ASCC3: variants seen among roughly 807,000 people sequenced by gnomAD.
The protein encoded by ASCC3 is activating signal cointegrator 1 complex subunit 3.
ASCC3 carries 158 observed loss-of-function variants against 256.3 expected under a neutral mutation model. The observed-to-expected ratio is 0.62, with a 90% CI of 0.54 to 0.70. ASCC3 has a LOEUF of 0.70. Among genes scored for constraint, ASCC3 ranks in the 30% least tolerant of loss-of-function variants. The probability of loss-of-function intolerance (pLI) is 0.00; values close to 1 mark genes in which losing one functional copy is unlikely to be tolerated. For missense variants in ASCC3, 2,259 were observed against 2,626.0 expected, an observed-to-expected ratio of 0.86 and a Z score of 3.05; for synonymous variants, 948 against 883.4, an observed-to-expected ratio of 1.07 and a Z score of -1.30.
At chr6:100,638,206 C>T (rs894168772) in intron 25 of ASCC3, among the ~76,000 whole-genome samples, 1 of 152,182 alleles carries the variant, frequency 6.6e-6, no homozygotes, top group South Asian at 2.1e-4. Flanking sequence ...CAAAACCCTT[C>T]ACTAGCAAAA....
chr6:100,534,458 C>G (rs1775067560), intron 37 of ASCC3, among the ~76,000 whole-genome samples: 1 of 152,100 alleles, frequency 6.6e-6, no homozygotes, highest in African/African-American at 2.4e-5. Context: ...ATATCCAGTA[C>G]AGAAAGGCTG....
intron 2 of ASCC3, among the ~76,000 whole-genome samples, chr6:100,866,582 G>C (rs1773489566): frequency 6.6e-6 from 1 of 152,200 alleles, no homozygotes; most frequent in Non-Finnish European, 1.5e-5. Flanking sequence ...GGCCTTAAAG[G>C]GGGTGATTAA....
chr6:100,567,247 C>A (rs573090524), intron 36 of ASCC3, among the ~76,000 whole-genome samples: 2 of 151,946 alleles, frequency 1.3e-5, no homozygotes, highest in African/African-American at 4.8e-5. Flanking sequence ...CTATGCATAT[C>A]TATGCATAGT....
intron 36 of ASCC3, among the ~76,000 whole-genome samples, chr6:100,567,517 A>C (rs1364939937): frequency 1.3e-5 from 2 of 152,174 alleles, no homozygotes; most frequent in African/African-American, 4.8e-5. Context: ...TCTATCACCC[A>C]AGTACTGAAC....
chr6:100,530,770 C>T, intron 37 of ASCC3: 1 of 1,010,154 alleles, frequency 9.9e-7, no homozygotes, highest in Non-Finnish European at 1.6e-6. Flanking sequence ...TTTAATTTTG[C>T]AAAGAATCCA....
At chr6:100,564,426 T>C (rs1315101323) in intron 36 of ASCC3, among the ~76,000 whole-genome samples, 1 of 152,156 alleles carries the variant, frequency 6.6e-6, no homozygotes, top group Non-Finnish European at 1.5e-5. Context: ...TTATTTTAGC[T>C]CTCACACATG....
At chr6:100,811,265 A>G (rs1770455115) in intron 4 of ASCC3, among the ~76,000 whole-genome samples, 1 of 152,186 alleles carries the variant, frequency 6.6e-6, no homozygotes, top group East Asian at 1.9e-4. Flanking sequence ...AAATGTTAAC[A>G]TTAAAGTGCT....
At chr6:100,865,496 T>C (rs1773433830) in intron 2 of ASCC3, among the ~76,000 whole-genome samples, 1 of 152,186 alleles carries the variant, frequency 6.6e-6, no homozygotes, top group South Asian at 2.1e-4. Context: ...TTTTAACTGC[T>C]GTGAACAATG....
chr6:100,747,512 A>T (rs1236810837), intron 10 of ASCC3, among the ~76,000 whole-genome samples: 1 of 152,148 alleles, frequency 6.6e-6, no homozygotes, highest in Non-Finnish European at 1.5e-5. Context: ...GGGATAAACA[A>T]TCCATGGTAT....
At chr6:100,521,056 T>C (rs568635969) in intron 37 of ASCC3, among the ~76,000 whole-genome samples, 30 of 152,294 alleles carry the variant, frequency 2.0e-4, no homozygotes, top group South Asian at 1.7e-3. Flanking sequence ...TTAAATAATA[T>C]AGGTAAAAAT....
intron 14 of ASCC3, among the ~76,000 whole-genome samples, chr6:100,664,272 G>A (rs1167854541): frequency 6.6e-6 from 1 of 152,050 alleles, no homozygotes; most frequent in Non-Finnish European, 1.5e-5. Flanking sequence ...TAATGGCAGG[G>A]AGTAAGATTT....
At chr6:100,848,042 T>C (rs1019378759) in intron 4 of ASCC3, 106 bp downstream of exon 4, 5 of 1,137,822 alleles carry the variant, frequency 4.4e-6, no homozygotes, top group East Asian at 2.6e-5. Context: ...TCAACTACTA[T>C]ACAGAACATT....
chr6:100,653,614 G>A (rs1775777095), intron 17 of ASCC3, among the ~76,000 whole-genome samples: 1 of 151,120 alleles, frequency 6.6e-6, no homozygotes. Context: ...CTCCAACCTG[G>A]GCGACAGAGC....
intron 36 of ASCC3, among the ~76,000 whole-genome samples, chr6:100,548,453 A>G (rs1053742162): frequency 1.3e-5 from 2 of 152,010 alleles, no homozygotes; most frequent in African/African-American, 4.8e-5. Flanking sequence ...TTTAGACTAT[A>G]TTAATAGGAA....
At chr6:100,734,327 T>C (rs781366380) in intron 10 of ASCC3, among the ~76,000 whole-genome samples, 1 of 152,202 alleles carries the variant, frequency 6.6e-6, no homozygotes, top group Non-Finnish European at 1.5e-5. Flanking sequence ...AATGAGTTTT[T>C]GATACGACAT....
chr6:100,584,771 C>T (rs1771551084), intron 36 of ASCC3, among the ~76,000 whole-genome samples: 1 of 152,074 alleles, frequency 6.6e-6, no homozygotes, highest in African/African-American at 2.4e-5. Flanking sequence ...TCTTGTAGGG[C>T]AGGGCTGGTG....
At chr6:100,560,020 T>G (rs1562118736) in intron 36 of ASCC3, among the ~76,000 whole-genome samples, 1 of 152,022 alleles carries the variant, frequency 6.6e-6, no homozygotes, top group East Asian at 1.9e-4. Flanking sequence ...ATAAAACCAC[T>G]AAAAATAGAA....
intron 10 of ASCC3, among the ~76,000 whole-genome samples, chr6:100,748,009 AT>A (rs2115086802): frequency 6.6e-6 from 1 of 152,160 alleles, no homozygotes; most frequent in East Asian, 1.9e-4. Flanking sequence ...TTATCCTCTT[AT>A]TTAGAAAAAG....
chr6:100,661,683 A>G, intron 16 of ASCC3, 123 bp downstream of exon 16: 13 of 944,342 alleles, frequency 1.4e-5, no homozygotes, highest in Non-Finnish European at 2.0e-5. Flanking sequence ...TTTGTCTTAT[A>G]ACTTATATGG....
Sources: gnomAD v4.1 joint callset for allele counts (sites outside exome capture counted in the v4.1 genomes callset) on GRCh38, gnomAD v4.1.1 for gene constraint, MANE v1.5 for transcripts, NCBI Gene and HGNC (gene_info 2026-07-23, HGNC 2026-07-21) for gene names.